STK33: variants seen among roughly 807,000 people sequenced by gnomAD.
STK33 encodes the protein serine/threonine kinase 33.
A neutral mutation model predicts 58.0 loss-of-function variants in STK33; 52 were observed. That is an observed-to-expected ratio of 0.90 (90% confidence interval 0.72 to 1.13). The LOEUF is 1.13. STK33 is among the 50% of genes most tolerant of loss of function. STK33 has a pLI of 0.00. For missense variants in STK33, 630 were observed against 604.2 expected (o/e 1.04, Z -0.45); for synonymous variants, 215 against 200.1 (o/e 1.07, Z -0.63).
In STK33 at chr11:8,392,241, C is replaced by G. The variant is rs572243447; in HGVS notation, c.*269G>C. 2.2e-6 allele frequency: 1 copy of G among 462,272 alleles called. No individual in the cohort carries two copies. The highest frequency in any genetic ancestry group is 3.8e-6 in the Non-Finnish European group (1 of 261,060). 28.6% of individuals were successfully genotyped at this position (462,272 alleles called of 1,614,324 possible). ...CCTTAAATTGAAGGTATCTGCCCCC[C>G]TAAAAAACCTTCGTGTACATCTTGA... is the stretch of plus-strand genomic sequence containing the variant. On this transcript the variant is annotated 3_prime_UTR_variant, in exon 16 of 16. Transcript: ENST00000687296.
chr11:8,515,927 C>A (rs1250524022), intron 1 of STK33, among the ~76,000 whole-genome samples: 1 of 152,112 alleles, frequency 6.6e-6, no homozygotes. Flanking sequence ...AGATCTGGGG[C>A]AAGAAAGACA....
intron 14 of STK33, among the ~76,000 whole-genome samples, chr11:8,428,561 G>A (rs1331448090): frequency 1.3e-5 from 2 of 152,176 alleles, no homozygotes; most frequent in Non-Finnish European, 2.9e-5. Context: ...TCCTCCAGCA[G>A]GCCCTTCACT....
At chr11:8,515,808 C>A (rs915838018) in intron 1 of STK33, among the ~76,000 whole-genome samples, 4 of 152,040 alleles carry the variant, frequency 2.6e-5, no homozygotes, top group African/African-American at 9.7e-5. Flanking sequence ...AACAAAAAAA[C>A]TCTCAACAAA....
the STK33 span, among the ~76,000 whole-genome samples, chr11:8,373,402 C>T: frequency 6.6e-6 from 1 of 152,160 alleles, no homozygotes; most frequent in African/African-American, 2.4e-5. Flanking sequence ...TGATAGGACA[C>T]GTCAGCCTCT....
intron 1 of STK33, among the ~76,000 whole-genome samples, chr11:8,555,831 T>C (rs886290303): frequency 5.3e-5 from 8 of 152,112 alleles, no homozygotes; most frequent in African/African-American, 1.9e-4. Context: ...TATACAATTA[T>C]GATGTCAATT....
chr11:8,421,504 C>A (rs1330421264), intron 14 of STK33, among the ~76,000 whole-genome samples: 1 of 152,124 alleles, frequency 6.6e-6, no homozygotes, highest in Non-Finnish European at 1.5e-5. Context: ...AATCATACTG[C>A]CCTAATTAAC....
intron 1 of STK33, among the ~76,000 whole-genome samples, chr11:8,529,957 T>C (rs547542430): frequency 2.5e-4 from 38 of 152,244 alleles, no homozygotes; most frequent in Non-Finnish European, 4.9e-4. Flanking sequence ...AAAACTAGTA[T>C]ATTCCCCCAA....
chr11:8,583,709 A>G (rs1396369038), intron 1 of STK33, among the ~76,000 whole-genome samples: 1 of 152,222 alleles, frequency 6.6e-6, no homozygotes, highest in African/African-American at 2.4e-5. Context: ...GAGAATAATC[A>G]TATCCTCTGA....
chr11:8,513,959 C>T (rs1477991029), intron 1 of STK33, among the ~76,000 whole-genome samples: 1 of 151,956 alleles, frequency 6.6e-6, no homozygotes, highest in African/African-American at 2.4e-5. Flanking sequence ...CCCCACCCCA[C>T]CCCACACCAC....
At chr11:8,431,420 A>C (rs1169914771) in intron 14 of STK33, among the ~76,000 whole-genome samples, 1 of 152,212 alleles carries the variant, frequency 6.6e-6, no homozygotes, top group African/African-American at 2.4e-5. Flanking sequence ...ATAACAATAC[A>C]TAAATTAATG....
At chr11:8,483,493 A>G (rs1436785613) in intron 1 of STK33, among the ~76,000 whole-genome samples, 1 of 152,134 alleles carries the variant, frequency 6.6e-6, no homozygotes, top group Non-Finnish European at 1.5e-5. Flanking sequence ...AAAAAAGAAA[A>G]GGCTACTGTA....
At chr11:8,387,570 G>A (rs1590663914), downstream of STK33, among the ~76,000 whole-genome samples, 1 of 152,222 alleles carries the variant, frequency 6.6e-6, no homozygotes, top group African/African-American at 2.4e-5. Context: ...GCATGTATAA[G>A]TGCTCTGTAA....
intron 1 of STK33, among the ~76,000 whole-genome samples, chr11:8,572,972 A>C (rs1185807032): frequency 1.3e-5 from 2 of 152,190 alleles, no homozygotes; most frequent in East Asian, 3.9e-4. Flanking sequence ...CTGCTTTCCA[A>C]AAGCAGAAAA....
chr11:8,416,734 T>G (rs971952549), intron 14 of STK33, among the ~76,000 whole-genome samples: 12 of 152,180 alleles, frequency 7.9e-5, no homozygotes, highest in Non-Finnish European at 1.3e-4. Context: ...GAAATGACCC[T>G]ACTTCTCATT....
intron 1 of STK33, among the ~76,000 whole-genome samples, chr11:8,501,831 A>T (rs1951536456): frequency 6.6e-6 from 1 of 152,196 alleles, no homozygotes; most frequent in Admixed American, 6.5e-5. Flanking sequence ...ATGAATAAAG[A>T]AAACATGGTA....
At chr11:8,550,129 C>T (rs1956208042) in intron 1 of STK33, among the ~76,000 whole-genome samples, 1 of 152,108 alleles carries the variant, frequency 6.6e-6, no homozygotes, top group South Asian at 2.1e-4. Context: ...AATGAAGGAA[C>T]AAACAATTAT....
the STK33 span, among the ~76,000 whole-genome samples, chr11:8,384,377 T>G: frequency 6.6e-6 from 1 of 152,202 alleles, no homozygotes; most frequent in African/African-American, 2.4e-5. Context: ...CGCTCATTAC[T>G]TAGCAGACCG....
intron 14 of STK33, among the ~76,000 whole-genome samples, chr11:8,430,187 C>T (rs1943250832): frequency 6.6e-6 from 1 of 152,178 alleles, no homozygotes; most frequent in Non-Finnish European, 1.5e-5. Context: ...TGTATGCCTT[C>T]TATGGTTATA....
chr11:8,469,847 T>C (rs1948603635), intron 6 of STK33, among the ~76,000 whole-genome samples: 1 of 152,228 alleles, frequency 6.6e-6, no homozygotes, highest in Non-Finnish European at 1.5e-5. Context: ...TGAGCAGTAA[T>C]ATTTGGAAAG....
Sources: gnomAD v4.1 joint callset for allele counts (sites outside exome capture counted in the v4.1 genomes callset) on GRCh38, gnomAD v4.1.1 for gene constraint, MANE v1.5 for transcripts, NCBI Gene and HGNC (gene_info 2026-07-23, HGNC 2026-07-21) for gene names.